BBX: variants seen among roughly 807,000 people sequenced by gnomAD.
BBX encodes the protein HMG box transcription factor BBX.
A neutral mutation model predicts 100.2 loss-of-function variants in BBX; 30 were observed. The observed-to-expected ratio is 0.30, with a 90% CI of 0.22 to 0.41. The LOEUF is 0.41. Among genes scored for constraint, BBX ranks in the 10% least tolerant of loss-of-function variants. The pLI is 1.00. For synonymous variants in BBX, 376 were observed against 388.1 expected, an observed-to-expected ratio of 0.97 and a Z score of 0.37; for missense variants, 1,023 against 1,129.8, an observed-to-expected ratio of 0.91 and a Z score of 1.35.
chr3:107,632,365 G>C (rs879764976), intron 2 of BBX, among the ~76,000 whole-genome samples: 1 of 152,068 alleles, frequency 6.6e-6, no homozygotes, highest in African/African-American at 2.4e-5. Context: ...GATTACAGGC[G>C]TGAGCTACCA....
At chr3:107,788,619 C>T (rs1248836056) in intron 13 of BBX, among the ~76,000 whole-genome samples, 1 of 151,468 alleles carries the variant, frequency 6.6e-6, no homozygotes, top group African/African-American at 2.4e-5. Context: ...AAAAAAAATA[C>T]AAAAAATTAG....
At chr3:107,793,362 T>C (rs2069253166) in intron 15 of BBX, among the ~76,000 whole-genome samples, 1 of 152,168 alleles carries the variant, frequency 6.6e-6, no homozygotes, top group Admixed American at 6.5e-5. Flanking sequence ...TTGGAGAATA[T>C]GCACTGAAAA....
chr3:107,790,041 C>T (rs2068837311), intron 14 of BBX, among the ~76,000 whole-genome samples, 165 bp downstream of exon 14: 3 of 152,110 alleles, frequency 2.0e-5, no homozygotes, highest in Admixed American at 2.0e-4. Flanking sequence ...GACTCTGCAG[C>T]TAATGCAAAT....
At chr3:107,541,412 G>T (rs2048852285) in intron 2 of BBX, among the ~76,000 whole-genome samples, 1 of 152,064 alleles carries the variant, frequency 6.6e-6, no homozygotes, top group Non-Finnish European at 1.5e-5. Flanking sequence ...TTTTGTTCAT[G>T]CCCTGTGAGC....
intron 5 of BBX, among the ~76,000 whole-genome samples, chr3:107,721,580 T>C (rs2062538358): frequency 1.3e-5 from 2 of 152,146 alleles, no homozygotes; most frequent in Middle Eastern, 3.4e-3. Context: ...TTCTGAGACC[T>C]TTTCCATTCC....
intron 2 of BBX, among the ~76,000 whole-genome samples, chr3:107,594,797 GAA>G (rs938332723): frequency 2.0e-5 from 3 of 149,636 alleles, no homozygotes; most frequent in Admixed American, 6.6e-5. Flanking sequence ...CTTGCCTGAA[GAA>G]AAAAAAAATT....
intron 2 of BBX, among the ~76,000 whole-genome samples, chr3:107,621,310 C>T (rs1025970101): frequency 3.3e-5 from 5 of 152,264 alleles, no homozygotes; most frequent in Middle Eastern, 3.4e-3. Flanking sequence ...ATCCAGGAAA[C>T]GTACCACTGT....
At chr3:107,558,381 G>T (rs62263348) in intron 2 of BBX, among the ~76,000 whole-genome samples, 28,299 of 152,098 alleles carry the variant, frequency 0.19, 4,440 homozygotes, top group East Asian at 0.88. Flanking sequence ...TCAGCTACAT[G>T]GGAGGTTGAG....
At chr3:107,571,362 G>T (rs750932777) in intron 2 of BBX, among the ~76,000 whole-genome samples, 1 of 152,212 alleles carries the variant, frequency 6.6e-6, no homozygotes, top group East Asian at 1.9e-4. Flanking sequence ...AGGCATCCCC[G>T]CAGTGGTTAA....
chr3:107,559,562 G>C (rs1229331888), intron 2 of BBX, among the ~76,000 whole-genome samples: 1 of 152,190 alleles, frequency 6.6e-6, no homozygotes, highest in Admixed American at 6.5e-5. Flanking sequence ...AGTTAGGCAA[G>C]AGGCATCCCA....
intron 13 of BBX, among the ~76,000 whole-genome samples, chr3:107,780,325 T>C (rs773276453): frequency 1.6e-4 from 25 of 152,240 alleles, no homozygotes; most frequent in Admixed American, 1.0e-3. Context: ...GCTTTGAAGT[T>C]GGCTGAATTA....
chr3:107,782,484 G>A (rs2067995949), intron 13 of BBX, among the ~76,000 whole-genome samples: 1 of 152,016 alleles, frequency 6.6e-6, no homozygotes, highest in South Asian at 2.1e-4. Flanking sequence ...CCTGACATTT[G>A]TTTCTCACAA....
intron 3 of BBX, among the ~76,000 whole-genome samples, chr3:107,701,745 T>C (rs1055767371): frequency 3.3e-5 from 5 of 151,850 alleles, no homozygotes; most frequent in African/African-American, 1.2e-4. Flanking sequence ...ATGGATACAG[T>C]AAAAACCTTT....
At chr3:107,628,655 C>T (rs1189743021) in intron 2 of BBX, among the ~76,000 whole-genome samples, 2 of 151,960 alleles carry the variant, frequency 1.3e-5, no homozygotes, top group Non-Finnish European at 1.5e-5. Context: ...CATTAGGACA[C>T]GTGAAATTGA....
chr3:107,806,501 T>C lies in BBX; in HGVS notation c.*1044T>C, dbSNP rs1021033193. On this transcript the variant is annotated 3_prime_UTR_variant, in exon 18 of 18. Transcript: ENST00000325805. ...GTTGCAATTGCTATGCACAGCCTGA[T>C]TGGCACTGCAGGTTTTTAGAGCCAT... 5.9e-5 allele frequency: 9 copies of C among 152,244 alleles called. No homozygotes were observed. The highest frequency in any genetic ancestry group is 1.7e-4 in the African/African-American group (7 of 41,458). The allele number at this position is 152,244 out of a possible 1,614,324, so 9.4% of individuals were successfully genotyped here.
intron 7 of BBX, among the ~76,000 whole-genome samples, chr3:107,739,696 A>G (rs2063923260): frequency 6.6e-6 from 1 of 152,204 alleles, no homozygotes; most frequent in South Asian, 2.1e-4. Context: ...AGGAAGATAA[A>G]GGAGGCATCC....
chr3:107,763,545 C>T (rs552229563), intron 10 of BBX, among the ~76,000 whole-genome samples: 1 of 152,276 alleles, frequency 6.6e-6, no homozygotes, highest in African/African-American at 2.4e-5. Context: ...TCCGTAGTAA[C>T]AAACTGAGCC....
chr3:107,725,947 G>A (rs2107478462), intron 5 of BBX, among the ~76,000 whole-genome samples: 1 of 152,110 alleles, frequency 6.6e-6, no homozygotes, highest in East Asian at 1.9e-4. Flanking sequence ...GAAATCTTAG[G>A]AGCAATAGCT....
chr3:107,642,198 G>T (rs2057252943), intron 2 of BBX, among the ~76,000 whole-genome samples: 1 of 152,154 alleles, frequency 6.6e-6, no homozygotes, highest in African/African-American at 2.4e-5. Context: ...AATGGGAAAG[G>T]GTTATGCACA....
Sources: allele counts gnomAD v4.1 joint callset (sites outside exome capture counted in the v4.1 genomes callset), GRCh38; gene constraint gnomAD v4.1.1; transcripts MANE v1.5; gene names NCBI Gene and HGNC (gene_info 2026-07-23, HGNC 2026-07-21).